JAKMIP2: variants seen among roughly 807,000 people sequenced by gnomAD.
JAKMIP2 encodes janus kinase and microtubule-interacting protein 2.
JAKMIP2 carries 25 observed loss-of-function variants against 115.0 expected under a neutral mutation model. That is an observed-to-expected ratio of 0.22 (90% CI 0.16 to 0.30). JAKMIP2 has a LOEUF of 0.30. JAKMIP2 is among the 10% of genes least tolerant of loss of function. The probability of loss-of-function intolerance (pLI) is 1.00; values close to 1 mark genes in which losing one functional copy is unlikely to be tolerated. For synonymous variants in JAKMIP2, 334 were observed against 343.6 expected (o/e 0.97, Z 0.31); for missense variants, 642 against 957.6 (o/e 0.67, Z 4.35).
At chr5:147,629,439 T>C (rs1757257137) in intron 15 of JAKMIP2, among the ~76,000 whole-genome samples, 1 of 152,156 alleles carries the variant, frequency 6.6e-6, no homozygotes, top group South Asian at 2.1e-4. Context: ...TTATTGGAGA[T>C]GTGGTCGACA....
At chr5:147,640,597 T>C (rs1757836228) in intron 9 of JAKMIP2, 107 bp downstream of exon 9, 1 of 1,168,770 alleles carries the variant, frequency 8.6e-7, no homozygotes, top group African/African-American at 1.5e-5. Flanking sequence ...GAGATCACTT[T>C]GTGCTGTTTA....
chr5:147,666,216 G>A (rs1382852995), intron 2 of JAKMIP2, among the ~76,000 whole-genome samples: 1 of 152,034 alleles, frequency 6.6e-6, no homozygotes, highest in African/African-American at 2.4e-5. Flanking sequence ...AATTTTTGGG[G>A]AAAAAGGCCA....
At chr5:147,780,106 C>T (rs1185950075) in intron 1 of JAKMIP2, among the ~76,000 whole-genome samples, 1 of 152,076 alleles carries the variant, frequency 6.6e-6, no homozygotes, top group Non-Finnish European at 1.5e-5. Context: ...TGAAATGATC[C>T]TAGCTTTTAA....
intron 12 of JAKMIP2, among the ~76,000 whole-genome samples, chr5:147,635,405 AT>A (rs1162410089): frequency 6.6e-6 from 1 of 151,652 alleles, no homozygotes; most frequent in African/African-American, 2.4e-5. Flanking sequence ...TCTAAAAAAA[AT>A]CTTTCATTAA....
chr5:147,661,465 A>G lies in JAKMIP2; in HGVS notation c.130-20T>C. On this transcript the variant is annotated intron_variant, in intron 2 of 21. Transcript: ENST00000616793. ...TGATACCTAAAAACAGAGAGGCGAA[A>G]TGATGAAGAGAAATGAGCCTCAAAG... is the stretch of plus-strand genomic sequence containing the variant. 1 of 1,597,938 alleles carries G rather than the reference A, an allele frequency of 6.3e-7. No homozygotes were observed.
intron 1 of JAKMIP2, among the ~76,000 whole-genome samples, chr5:147,681,878 C>CA (rs1464223026): frequency 6.6e-6 from 1 of 151,736 alleles, no homozygotes; most frequent in Admixed American, 6.6e-5. Context: ...CTCATCTCCA[C>CA]AAAAAATACA....
chr5:147,593,656 T>C (rs1215593337), intron 21 of JAKMIP2, among the ~76,000 whole-genome samples: 1 of 152,122 alleles, frequency 6.6e-6, no homozygotes, highest in Admixed American at 6.5e-5. Context: ...GGATTGAAAG[T>C]GACTGAGAAG....
chr5:147,611,874 AC>A (rs1756345126), intron 20 of JAKMIP2, among the ~76,000 whole-genome samples: 1 of 152,194 alleles, frequency 6.6e-6, no homozygotes, highest in African/African-American at 2.4e-5. Context: ...TCATATATCA[AC>A]CCAAGTTTCT....
chr5:147,596,297 C>T (rs907430175), intron 21 of JAKMIP2, among the ~76,000 whole-genome samples: 2 of 151,800 alleles, frequency 1.3e-5, no homozygotes, highest in Non-Finnish European at 2.9e-5. Flanking sequence ...GTAAGGTTTG[C>T]CTTTCTAAAA....
chr5:147,646,747 A>G (rs1758152922), intron 5 of JAKMIP2, among the ~76,000 whole-genome samples: 1 of 151,734 alleles, frequency 6.6e-6, no homozygotes, highest in Non-Finnish European at 1.5e-5. Flanking sequence ...TCAACTAATA[A>G]CAACGACTTT....
intron 16 of JAKMIP2, among the ~76,000 whole-genome samples, chr5:147,624,931 T>G (rs1757025598): frequency 6.6e-6 from 1 of 152,156 alleles, no homozygotes; most frequent in Admixed American, 6.5e-5. Context: ...CCATTGTGTA[T>G]TGGATGTACT....
rs531983825 is a variant in JAKMIP2 at position 147,723,138 on chromosome 5, G to T, written c.-148-51184C>A. Among the ~76,000 whole-genome samples the T allele has an allele frequency of 2.6e-5, 4 of 152,056 alleles. No individual in the cohort carries two copies. In the South Asian group the frequency reaches 8.3e-4, roughly 32 times the overall value. On this transcript the variant is annotated intron_variant, in intron 1 of 21. Coordinates refer to ENST00000616793, the MANE Select transcript of JAKMIP2 (RefSeq NM_001270941.2). ...AGGGTTGGCTTTCCTAAGCTACTTGGCCTTTATGTCCTGTTCATCTTATTT... is the reference window on the plus strand; with the variant it reads ...AGGGTTGGCTTTCCTAAGCTACTTGTCCTTTATGTCCTGTTCATCTTATTT...
At chr5:147,639,066 T>A (rs919864991) in intron 10 of JAKMIP2, among the ~76,000 whole-genome samples, 4 of 152,326 alleles carry the variant, frequency 2.6e-5, no homozygotes, top group Admixed American at 2.0e-4. Context: ...GGAAAGAACA[T>A]TTGACCCAGT....
At chr5:147,709,565 T>C (rs1414428870) in intron 1 of JAKMIP2, among the ~76,000 whole-genome samples, 1 of 152,136 alleles carries the variant, frequency 6.6e-6, no homozygotes, top group Non-Finnish European at 1.5e-5. Flanking sequence ...AAAATATCAT[T>C]CTAGGCCGGG....
intron 1 of JAKMIP2, among the ~76,000 whole-genome samples, chr5:147,711,140 T>C (rs1174692010): frequency 6.6e-6 from 1 of 152,176 alleles, no homozygotes; most frequent in Non-Finnish European, 1.5e-5. Context: ...AAGGACTTAA[T>C]GGCAAAAGCA....
intron 1 of JAKMIP2, among the ~76,000 whole-genome samples, chr5:147,676,840 A>G (rs1759992614): frequency 6.6e-6 from 1 of 152,214 alleles, no homozygotes; most frequent in Admixed American, 6.5e-5. Flanking sequence ...TCATTCCTTC[A>G]TTTATCAGAC....
chr5:147,733,121 T>A (rs1753794943), intron 1 of JAKMIP2, among the ~76,000 whole-genome samples: 1 of 152,196 alleles, frequency 6.6e-6, no homozygotes, highest in Non-Finnish European at 1.5e-5. Context: ...TTCATCCTCA[T>A]TGATGAGCAC....
intron 1 of JAKMIP2, among the ~76,000 whole-genome samples, chr5:147,728,802 C>A (rs1343873707): frequency 6.6e-6 from 1 of 152,182 alleles, no homozygotes; most frequent in Non-Finnish European, 1.5e-5. Context: ...AGGTCATAAA[C>A]TGCTTCTCTG....
chr5:147,661,696 A>C (rs1211110541), intron 2 of JAKMIP2: 2 of 444,898 alleles, frequency 4.5e-6, no homozygotes, highest in East Asian at 8.3e-5. Flanking sequence ...CTTACTATGC[A>C]ATGTGTGGTC....
Sources: allele counts gnomAD v4.1 joint callset (sites outside exome capture counted in the v4.1 genomes callset), GRCh38; gene constraint gnomAD v4.1.1; transcripts MANE v1.5; gene names NCBI Gene and HGNC (gene_info 2026-07-23, HGNC 2026-07-21).